Variants in RAB3C observed in about 807,000 individuals in gnomAD.
RAB3C encodes the protein RAB3C, member RAS oncogene family, also known as ras-related protein Rab-3C.
Under a neutral mutation model 26.4 loss-of-function variants are expected in RAB3C, and 17 were observed. The observed-to-expected ratio is 0.64, with a 90% confidence interval of 0.44 to 0.97. RAB3C has a LOEUF of 0.97. Among genes scored for constraint, RAB3C ranks in the 50% least tolerant of loss-of-function variants. The pLI, the probability that RAB3C is intolerant of heterozygous loss-of-function variation, is 0.00. For synonymous variants in RAB3C, 91 were observed against 95.9 expected (o/e 0.95, Z 0.30); for missense variants, 242 against 281.9 (o/e 0.86, Z 1.01).
intron 3 of RAB3C, chr5:58,788,388 T>C (rs1366908736): frequency 6.6e-6 from 1 of 152,250 alleles, no homozygotes; most frequent in Non-Finnish European, 1.5e-5. Context: ...TCCTGTGTGG[T>C]CCATTTCCAT....
intron 1 of RAB3C, among the ~76,000 whole-genome samples, chr5:58,588,322 A>T (rs932049253): frequency 6.6e-6 from 1 of 152,200 alleles, no homozygotes; most frequent in Non-Finnish European, 1.5e-5. Context: ...TCTCACCAGC[A>T]ATGTATGAGA....
At position 58,704,840 on chromosome 5, in the gene RAB3C, T is replaced by G. The variant is rs176637; in HGVS notation, c.253-21162T>G. Reference sequence around the variant, plus strand: ...GTTTGAGTTAGGGGTGGTGATCTTATAGCTAAACACCAGAAAGGCTGATTC... The same window carrying G: ...GTTTGAGTTAGGGGTGGTGATCTTAGAGCTAAACACCAGAAAGGCTGATTC... On this transcript the variant is annotated intron_variant, in intron 2 of 4. Coordinates refer to ENST00000282878, the MANE Select transcript of RAB3C (RefSeq NM_138453.4). 6.2e-3 allele frequency among the ~76,000 whole-genome samples: 940 copies of G among 151,954 alleles called. 9 individuals carry two copies. The highest frequency in any genetic ancestry group is 0.022 in the African/African-American group (910 of 41,494).
chr5:58,605,860 G>A (rs940574637), intron 1 of RAB3C, among the ~76,000 whole-genome samples: 18 of 152,136 alleles, frequency 1.2e-4, no homozygotes, highest in African/African-American at 7.2e-5. Flanking sequence ...AGCCAAGATC[G>A]TGCCATTGCA....
At chr5:58,798,302 A>G (rs113691530) in intron 3 of RAB3C, among the ~76,000 whole-genome samples, 388 of 152,280 alleles carry the variant, frequency 2.5e-3, no homozygotes, top group African/African-American at 9.2e-3. Flanking sequence ...TTTAATTACA[A>G]AGGGAAAAAA....
intron 2 of RAB3C, among the ~76,000 whole-genome samples, chr5:58,686,706 A>G (rs774641514): frequency 5.9e-4 from 90 of 151,846 alleles, no homozygotes; most frequent in Middle Eastern, 3.2e-3. Context: ...ACACACACAC[A>G]CACACGCATG....
chr5:58,651,888 T>A (rs1747658794), intron 2 of RAB3C, among the ~76,000 whole-genome samples: 1 of 152,234 alleles, frequency 6.6e-6, no homozygotes, highest in Non-Finnish European at 1.5e-5. Flanking sequence ...ATACTTTAAA[T>A]CATCTCTAGA....
chr5:58,700,178 G>T (rs949718319), intron 2 of RAB3C, among the ~76,000 whole-genome samples: 9 of 152,222 alleles, frequency 5.9e-5, no homozygotes, highest in African/African-American at 2.2e-4. Flanking sequence ...TCAGCATGGT[G>T]CATGACACGT....
chr5:58,659,350 T>C (rs1747848605), intron 2 of RAB3C, among the ~76,000 whole-genome samples: 1 of 152,252 alleles, frequency 6.6e-6, no homozygotes, highest in Admixed American at 6.5e-5. Context: ...ATATGCTTTT[T>C]CTTTGGTTCC....
chr5:58,825,172 A>G lies in RAB3C; in HGVS notation c.496+10A>G, dbSNP rs776110810. 6.2e-7 allele frequency: 1 copy of G among 1,607,602 alleles called. No individual in the cohort carries two copies. The highest frequency in any genetic ancestry group is 1.1e-5 in the South Asian group (1 of 90,102). Reference sequence around the variant, plus strand: ...TTAGGAGAACAGCTTGGTAAGAAACAAATTAATAAGTTAAAAAGAAAGATA... The same window carrying G: ...TTAGGAGAACAGCTTGGTAAGAAACGAATTAATAAGTTAAAAAGAAAGATA... On this transcript the variant is annotated intron_variant, in intron 4 of 4. Transcript: ENST00000282878.
At chr5:58,670,905 A>G (rs770640395) in intron 2 of RAB3C, among the ~76,000 whole-genome samples, 1 of 152,120 alleles carries the variant, frequency 6.6e-6, no homozygotes, top group African/African-American at 2.4e-5. Context: ...TCAGTATGCA[A>G]TGAGATCTGT....
chr5:58,635,612 C>T (rs1187552124), intron 2 of RAB3C, among the ~76,000 whole-genome samples: 1 of 152,162 alleles, frequency 6.6e-6, no homozygotes, highest in African/African-American at 2.4e-5. Flanking sequence ...GTGCAGGTGC[C>T]TGTCAGGACC....
At chr5:58,771,516 A>C (rs1742030353) in intron 3 of RAB3C, among the ~76,000 whole-genome samples, 1 of 152,124 alleles carries the variant, frequency 6.6e-6, no homozygotes, top group African/African-American at 2.4e-5. Context: ...TATATTTATA[A>C]ATTTTGTATT....
chr5:58,586,135 C>T (rs1421125359), intron 1 of RAB3C, among the ~76,000 whole-genome samples: 1 of 151,964 alleles, frequency 6.6e-6, no homozygotes, highest in Non-Finnish European at 1.5e-5. Flanking sequence ...ATGTATAAAA[C>T]AATTTTTATA....
At chr5:58,777,726 C>T (rs753276581) in intron 3 of RAB3C, among the ~76,000 whole-genome samples, 4 of 151,638 alleles carry the variant, frequency 2.6e-5, no homozygotes, top group African/African-American at 7.3e-5. Context: ...GGTATATCTC[C>T]GAATGCTATC....
intron 3 of RAB3C, among the ~76,000 whole-genome samples, chr5:58,809,044 G>A (rs1743010353): frequency 6.6e-6 from 1 of 152,124 alleles, no homozygotes; most frequent in Non-Finnish European, 1.5e-5. Flanking sequence ...TAACATTCTA[G>A]CATAAGCCAC....
chr5:58,736,259 T>C (rs939786430), intron 3 of RAB3C, among the ~76,000 whole-genome samples: 1 of 152,196 alleles, frequency 6.6e-6, no homozygotes, highest in Admixed American at 6.5e-5. Context: ...GTTTAGCTCA[T>C]AGTAACCTTT....
intron 2 of RAB3C, among the ~76,000 whole-genome samples, chr5:58,655,599 T>G (rs1017661899): frequency 6.6e-6 from 1 of 152,014 alleles, no homozygotes; most frequent in Non-Finnish European, 1.5e-5. Context: ...TTAACAAAAT[T>G]TTTTTTAAAA....
chr5:58,833,785 C>A (rs1376158222), intron 4 of RAB3C, among the ~76,000 whole-genome samples: 2 of 152,156 alleles, frequency 1.3e-5, no homozygotes, highest in Non-Finnish European at 2.9e-5. Context: ...CTAAGCAATG[C>A]AATCCATAAT....
At chr5:58,690,929 T>C (rs1409189503) in intron 2 of RAB3C, among the ~76,000 whole-genome samples, 3 of 152,162 alleles carry the variant, frequency 2.0e-5, no homozygotes, top group African/African-American at 7.2e-5. Flanking sequence ...TTAAAAAGTA[T>C]AGCAATTGAT....
Sources: allele counts gnomAD v4.1 joint callset (sites outside exome capture counted in the v4.1 genomes callset), GRCh38; gene constraint gnomAD v4.1.1; transcripts MANE v1.5; gene names NCBI Gene and HGNC (gene_info 2026-07-23, HGNC 2026-07-21).